KIAA1586: variants seen among roughly 807,000 people sequenced by gnomAD.
KIAA1586 encodes the protein KIAA1586, also known as E3 SUMO-protein ligase KIAA1586.
KIAA1586 carries 5 observed loss-of-function variants against 6.1 expected under a neutral mutation model. The observed-to-expected ratio is 0.82, with a 90% confidence interval of 0.43 to 1.73. The LOEUF is 1.73. KIAA1586 is among the 40% of genes most tolerant of loss of function. KIAA1586 has a pLI of 0.02. For synonymous variants in KIAA1586, 280 were observed against 301.7 expected, an observed-to-expected ratio of 0.93 and a Z score of 0.75; for missense variants, 899 against 878.2, an observed-to-expected ratio of 1.02 and a Z score of -0.30.
Position 57,053,764 on chromosome 6 carries a change from G to A in KIAA1586, c.1265G>A (p.Arg422Gln), listed in dbSNP as rs372711155. The stretch of plus-strand genomic sequence containing the variant: ...ATCATTTGGAACTGTTTAAATCATC[G>A]ATTACAATTGTCACTTGATGATTCT... ...EIIIWNCLNH[R>Q]LQLSLDDSIS... is the part of the protein sequence containing the mutation. The change falls in exon 4 of 4, where the codon CGA becomes CAA. Residue 422 changes from arginine (R) to glutamine (Q), a missense_variant. Transcript: ENST00000370733. 25 of 1,585,574 alleles carry A rather than the reference G, an allele frequency of 1.6e-5. No individual in the cohort carries two copies. Among genetic ancestry groups the A allele is most frequent in the Non-Finnish European group, 2.1e-5 (24 of 1,165,628 alleles).
Position 57,046,711 on chromosome 6 carries a change from A to C in KIAA1586, c.-45A>C. 1 of 1,610,650 alleles carries C rather than the reference A, an allele frequency of 6.2e-7. No homozygotes were observed. The highest frequency in any genetic ancestry group is 8.5e-7 in the Non-Finnish European group (1 of 1,178,706). On this transcript the variant is annotated 5_prime_UTR_variant, in exon 1 of 4. Coordinates refer to ENST00000370733, the MANE Select transcript of KIAA1586 (RefSeq NM_020931.4). Reference sequence around the variant, plus strand: ...GGGGAGTGGTGGCGGCTGCGGCAGTAGGGACAGCAGGAGCAGTGGTGCTGT... The same window carrying C: ...GGGGAGTGGTGGCGGCTGCGGCAGTCGGGACAGCAGGAGCAGTGGTGCTGT...
At chr6:57,046,970 C>G in intron 1 of KIAA1586, 194 bp downstream of exon 1, 2 of 719,248 alleles carry the variant, frequency 2.8e-6, no homozygotes, top group Non-Finnish European at 2.1e-6. Flanking sequence ...GCCCGGCCCC[C>G]CGCACGGGCC....
At chr6:57,055,311 G>A (rs1200396525), downstream of KIAA1586, 2 of 149,362 alleles carry the variant, frequency 1.3e-5, no homozygotes, top group East Asian at 3.9e-4. Flanking sequence ...TCAGCTTAGG[G>A]CTAAAAGTAA....
At chr6:57,050,945 G>A in intron 3 of KIAA1586, 91 bp downstream of exon 3, 6 of 967,106 alleles carry the variant, frequency 6.2e-6, no homozygotes, top group Non-Finnish European at 9.9e-6. Context: ...AGAACTAATT[G>A]TTGGCCAGGC....
Position 57,054,196 on chromosome 6 carries a change from A to T in KIAA1586, c.1697A>T (p.Asn566Ile). Residue 566 changes from asparagine to isoleucine, a missense_variant, in exon 4 of 4, where the codon AAT becomes ATT. Transcript: ENST00000370733. ...AAACGTACCATAAGAGCTTTGGAAA[A>T]TTTAAAAATTGGTACTGGAAAGTAT... ...LIKRTIRALE[N>I]LKIGTGKYES... 5.0e-6 allele frequency: 8 copies of T among 1,592,386 alleles called. No homozygotes were observed. The highest frequency in any genetic ancestry group is 6.8e-6 in the Non-Finnish European group (8 of 1,172,892).
At chr6:57,055,295 G>A (rs1828481190), downstream of KIAA1586, 1 of 148,564 alleles carries the variant, frequency 6.7e-6, no homozygotes, top group Non-Finnish European at 1.5e-5. Context: ...AGCTACATGT[G>A]GCTGATCAGC....
rs763391468 is a variant in KIAA1586, at chr6:57,050,882, A to C, written c.186+28A>C. Reference sequence around the variant, plus strand: ...AAGCACATTATATTTGTGTTTGTTCAGTTTTCTTATTAAGTGCAATAGTGT... The same window carrying C: ...AAGCACATTATATTTGTGTTTGTTCCGTTTTCTTATTAAGTGCAATAGTGT... On this transcript the variant is annotated intron_variant, in intron 3 of 3. Transcript: ENST00000370733. The C allele has an allele frequency of 4.6e-6, 7 of 1,517,760 alleles. No individual in the cohort carries two copies. The East Asian group carries it at 1.6e-4, about 34-fold the overall frequency. The allele number at this position is 1,517,760 out of a possible 1,614,324, so 94.0% of individuals were successfully genotyped here. A position where few individuals can be genotyped will look rare whatever the true frequency, so the allele number is the denominator to read the frequency against.
intron 3 of KIAA1586, 148 bp from the exon 4 acceptor site, chr6:57,052,538 T>C (rs184914627): frequency 3.9e-4 from 203 of 521,926 alleles, no homozygotes; most frequent in African/African-American, 3.7e-3. Flanking sequence ...TAGCAAGTCA[T>C]ATTGATATTA....
At chr6:57,056,275 C>T (rs1013843608), downstream of KIAA1586, among the ~76,000 whole-genome samples, 6 of 151,262 alleles carry the variant, frequency 4.0e-5, no homozygotes, top group South Asian at 4.2e-4. Flanking sequence ...GGTGCAATCT[C>T]GGCTCACTGC....
intron 2 of KIAA1586, among the ~76,000 whole-genome samples, chr6:57,048,170 C>A (rs1828231382): frequency 6.6e-6 from 1 of 151,826 alleles, no homozygotes; most frequent in African/African-American, 2.4e-5. Context: ...TTTAGAAAGG[C>A]TTTGCGTAAA....
chr6:57,065,492 G>GT, the KIAA1586 span, among the ~76,000 whole-genome samples: 2,044 of 137,848 alleles, frequency 0.015, 31 homozygotes, highest in African/African-American at 0.037. Flanking sequence ...TGCCTTTTTT[G>GT]TTTTTTTTTT....
At chr6:57,050,944 T>G in intron 3 of KIAA1586, 90 bp downstream of exon 3, 2 of 983,146 alleles carry the variant, frequency 2.0e-6, no homozygotes, top group Non-Finnish European at 3.2e-6. Flanking sequence ...AAGAACTAAT[T>G]GTTGGCCAGG....
chr6:57,052,856 G>A lies in KIAA1586; in HGVS notation c.357G>A (p.Lys119=). 6.2e-7 allele frequency: 1 copy of A among 1,612,894 alleles called. No individual in the cohort carries two copies. The highest frequency in any genetic ancestry group is 2.2e-5 in the East Asian group (1 of 44,844). ...TTGAACAACCAATCATTGAAGAAAA[G>A]CCATCACTTTCATCAAAGAAAGAAA... ...EYIEQPIIEE[K]PSLSSKKEID... The change falls in exon 4 of 4, where the codon AAG becomes AAA. Residue 119 remains lysine, a synonymous_variant. Coordinates refer to ENST00000370733, the MANE Select transcript of KIAA1586 (RefSeq NM_020931.4).
At position 57,052,962 on chromosome 6, in the gene KIAA1586, AAAG is replaced by A; in HGVS notation, c.467_469del (p.Glu156del). On this transcript the variant is annotated inframe_deletion, in exon 4 of 4. Transcript: ENST00000370733. ...AGAACAATACAAATGGCTTGAAATA[AAAG>A]AAGGTAAATTAGGATGTAAGGATTG... 2 of 1,613,858 alleles carry A rather than the reference AAAG, an allele frequency of 1.2e-6. No individual in the cohort carries two copies. The highest frequency in any genetic ancestry group is 1.7e-6 in the Non-Finnish European group (2 of 1,179,888).
chr6:57,048,680 C>T (rs1008405471), intron 2 of KIAA1586, among the ~76,000 whole-genome samples: 1 of 152,082 alleles, frequency 6.6e-6, no homozygotes, highest in Non-Finnish European at 1.5e-5. Flanking sequence ...TTTTGGTTTC[C>T]TCTTAACTGG....
At position 57,055,075 on chromosome 6, in the gene KIAA1586, C is replaced by A; in HGVS notation, c.*212C>A. Reference sequence around the variant, plus strand: ...ATGTTTGCTAGAGTGGGTCATAATACATATTCCATGAAGTTCTGTACAGAA... The same window carrying A: ...ATGTTTGCTAGAGTGGGTCATAATAAATATTCCATGAAGTTCTGTACAGAA... On this transcript the variant is annotated 3_prime_UTR_variant, in exon 4 of 4. Transcript: ENST00000370733. 4.5e-6 allele frequency: 2 copies of A among 448,634 alleles called. No individual in the cohort carries two copies. The highest frequency in any genetic ancestry group is 7.7e-6 in the Non-Finnish European group (2 of 259,420). 27.8% of individuals were successfully genotyped at this position (448,634 alleles called of 1,614,324 possible).
rs535557231 is a variant in KIAA1586, at chr6:57,055,135, T to C, written c.*272T>C. 5 of 205,836 alleles carry C rather than the reference T, an allele frequency of 2.4e-5. No homozygotes were observed. The South Asian group carries it at 6.8e-4, about 28-fold the overall frequency. The allele number at this position is 205,836 out of a possible 1,614,324, so 12.8% of individuals were successfully genotyped here. ...TTTATAATTTTGTACTGTTTTACTT[T>C]AAGTAAGGATGCAAAAAATAGCAGG... On this transcript the variant is annotated 3_prime_UTR_variant, in exon 4 of 4. Coordinates refer to ENST00000370733, the MANE Select transcript of KIAA1586 (RefSeq NM_020931.4).
At chr6:57,059,223 AAT>A (rs1333648315), downstream of KIAA1586, among the ~76,000 whole-genome samples, 2 of 152,212 alleles carry the variant, frequency 1.3e-5, no homozygotes, top group Non-Finnish European at 2.9e-5. Flanking sequence ...ATAAATTGAT[AAT>A]ATGTTATAAA....
chr6:57,060,454 T>C, the KIAA1586 span, among the ~76,000 whole-genome samples: 1 of 152,338 alleles, frequency 6.6e-6, no homozygotes, highest in East Asian at 1.9e-4. Context: ...TCATAGCTTC[T>C]GTATTAGAAG....
Sources: gnomAD v4.1 joint callset for allele counts (sites outside exome capture counted in the v4.1 genomes callset) on GRCh38, gnomAD v4.1.1 for gene constraint, MANE v1.5 for transcripts, NCBI Gene and HGNC (gene_info 2026-07-23, HGNC 2026-07-21) for gene names.